Variants in SSC4D observed in about 807,000 individuals in gnomAD.
The protein encoded by SSC4D is scavenger receptor cysteine rich family member with 4 domains.
Under a neutral mutation model 63.4 loss-of-function variants are expected in SSC4D, and 57 were observed. The ratio of observed to expected loss-of-function variants is 0.90; its 90% confidence interval spans 0.73 to 1.12. The LOEUF (loss-of-function observed/expected upper bound fraction) is 1.12. Ranked by LOEUF, SSC4D falls within the 50% of genes most tolerant of loss-of-function variation. SSC4D has a pLI of 0.00. For synonymous variants in SSC4D, 352 were observed against 345.4 expected (o/e 1.02, Z -0.21); for missense variants, 791 against 806.4 (o/e 0.98, Z 0.23).
At chr7:76,393,348 C>T (rs1020470426) in intron 9 of SSC4D, 57 bp downstream of exon 9, 10 of 1,300,248 alleles carry the variant, frequency 7.7e-6, no homozygotes, top group Non-Finnish European at 8.8e-6. Context: ...CGCCCCGCCC[C>T]TCCCACGCCG....
At chr7:76,400,731 C>T in intron 3 of SSC4D, 140 bp from the exon 4 acceptor site, 1 of 1,086,614 alleles carries the variant, frequency 9.2e-7, no homozygotes, top group South Asian at 1.7e-5. Context: ...TGGTCTCAAA[C>T]TCCTGGGCTC....
At chr7:76,393,038 CT>C (rs1804526581) in intron 9 of SSC4D, among the ~76,000 whole-genome samples, 1 of 152,216 alleles carries the variant, frequency 6.6e-6, no homozygotes, top group Non-Finnish European at 1.5e-5. Flanking sequence ...CCACTCTCTG[CT>C]TAATAGAGTT....
chr7:76,393,805 C>T (rs374171764), intron 8 of SSC4D, 25 bp downstream of exon 8: 2 of 1,414,424 alleles, frequency 1.4e-6, no homozygotes, highest in South Asian at 2.5e-5. Context: ...CCCCATCCCC[C>T]GCAGACCCAG....
chr7:76,404,867 C>T (rs1207102534), intron 1 of SSC4D, among the ~76,000 whole-genome samples: 13 of 151,504 alleles, frequency 8.6e-5, no homozygotes, highest in African/African-American at 2.2e-4. Flanking sequence ...GTCAGGAGTT[C>T]GAGACTAGCC....
chr7:76,394,520 C>T (rs1804584756), intron 7 of SSC4D, among the ~76,000 whole-genome samples: 1 of 151,700 alleles, frequency 6.6e-6, no homozygotes, highest in Admixed American at 6.6e-5. Flanking sequence ...AAGCAATTCT[C>T]CTGCCTCAGC....
intron 1 of SSC4D, among the ~76,000 whole-genome samples, chr7:76,406,956 ATT>A (rs1805054913): frequency 6.6e-6 from 1 of 151,588 alleles, no homozygotes; most frequent in Non-Finnish European, 1.5e-5. Context: ...GATTTAAATT[ATT>A]TATTTATTTA....
intron 4 of SSC4D, among the ~76,000 whole-genome samples, chr7:76,399,542 CTT>C (rs1470473600): frequency 1.3e-5 from 2 of 150,600 alleles, no homozygotes; most frequent in Non-Finnish European, 3.0e-5. Flanking sequence ...TCGTTTTTTT[CTT>C]TGTTTTTCGA....
At chr7:76,394,052 G>T (rs1041644322) in intron 7 of SSC4D, 148 bp from the exon 8 acceptor site, 2 of 742,814 alleles carry the variant, frequency 2.7e-6, no homozygotes, top group Admixed American at 3.2e-5. Flanking sequence ...ACGTTGTCTG[G>T]CGCGGGTTGG....
chr7:76,397,980 G>A (rs1397281285), intron 5 of SSC4D, 148 bp from the exon 6 acceptor site: 3 of 822,440 alleles, frequency 3.6e-6, no homozygotes, highest in Non-Finnish European at 5.5e-6. Flanking sequence ...GGTCCAGACT[G>A]GGGGTAGCTT....
chr7:76,393,524 G>T lies in SSC4D; in HGVS notation c.1214C>A (p.Pro405His). ...GCAGCCCACGTTGTCCAGCAGCACG[G>T]GGCCGCGGCCGTAGCCGAAGTGGCC... ...GLGHFGYGRG[P>H]VLLDNVGCAG... The change falls in exon 9 of 11, where the codon CCC becomes CAC. Residue 405 changes from proline (P) to histidine (H), a missense_variant. Coordinates refer to ENST00000275560, the MANE Select transcript of SSC4D (RefSeq NM_080744.2). The T allele has an allele frequency of 6.6e-7, 1 of 1,525,406 alleles. No homozygotes were observed. Among genetic ancestry groups the T allele is most frequent in the Admixed American group, 2.0e-5 (1 of 50,108 alleles). The allele number at this position is 1,525,406 out of a possible 1,614,324, so 94.5% of individuals were successfully genotyped here.
rs541619556 is a variant in SSC4D, at chr7:76,390,735, T to G, written c.1412-360A>C. Among the ~76,000 whole-genome samples, 6 of 152,278 alleles carry G rather than the reference T, an allele frequency of 3.9e-5. No individual in the cohort carries two copies. In the South Asian group the frequency reaches 1.2e-3, roughly 32 times the overall value. The stretch of plus-strand genomic sequence containing the variant: ...GAGAGGCTGAGGCAGGAGTATGGCA[T>G]GAACCCAGGAGGTGGAGCTTGCAGT... On this transcript the variant is annotated intron_variant, in intron 10 of 10. Transcript: ENST00000275560.
At chr7:76,393,741 C>A (rs1280614659) in intron 8 of SSC4D, 25 bp from the exon 9 acceptor site, 2 of 1,419,310 alleles carry the variant, frequency 1.4e-6, no homozygotes, top group Non-Finnish European at 1.8e-6. Context: ...GGCCCGCGGC[C>A]AGAGGGGCTG....
At chr7:76,391,088 T>C (rs953278946) in intron 10 of SSC4D, among the ~76,000 whole-genome samples, 3 of 152,108 alleles carry the variant, frequency 2.0e-5, no homozygotes, top group African/African-American at 7.2e-5. Context: ...GTGGCCGTGA[T>C]TGTGCCACTG....
intron 7 of SSC4D, 66 bp downstream of exon 7, chr7:76,395,187 C>T: frequency 1.3e-6 from 2 of 1,579,322 alleles, no homozygotes; most frequent in Non-Finnish European, 1.7e-6. Context: ...CCAGAACATT[C>T]TTCCCAGTTC....
intron 6 of SSC4D, among the ~76,000 whole-genome samples, chr7:76,395,933 G>A (rs377087377): frequency 2.0e-5 from 3 of 152,128 alleles, no homozygotes; most frequent in Non-Finnish European, 2.9e-5. Flanking sequence ...GACCTCAGGC[G>A]ATCCGCCCAT....
At chr7:76,405,339 C>CTTTCTTTTTT (rs1271510975) in intron 1 of SSC4D, among the ~76,000 whole-genome samples, 3 of 21,394 alleles carry the variant, frequency 1.4e-4, no homozygotes, top group African/African-American at 2.1e-4. Context: ...TTCTTTCTTT[C>CTTTCTTTTTT]TTTTTTTTTT....
chr7:76,404,090 C>T (rs1804920206), intron 2 of SSC4D, among the ~76,000 whole-genome samples: 1 of 152,142 alleles, frequency 6.6e-6, no homozygotes, highest in Non-Finnish European at 1.5e-5. Flanking sequence ...CCTAACTGCC[C>T]ATTCCATGGG....
chr7:76,405,308 TA>T (rs1563686929), intron 1 of SSC4D, among the ~76,000 whole-genome samples: 22 of 64,392 alleles, frequency 3.4e-4, no homozygotes, highest in African/African-American at 1.5e-3. Context: ...TATATATATA[TA>T]TATATATGTA....
intron 2 of SSC4D, 29 bp from the exon 3 acceptor site, chr7:76,401,072 C>T: frequency 6.5e-7 from 1 of 1,527,272 alleles, no homozygotes; most frequent in Non-Finnish European, 8.8e-7. Context: ...GAGCATTGGC[C>T]CCTCTGCCCA....
Sources: gnomAD v4.1 joint callset for allele counts (sites outside exome capture counted in the v4.1 genomes callset) on GRCh38, gnomAD v4.1.1 for gene constraint, MANE v1.5 for transcripts, NCBI Gene and HGNC (gene_info 2026-07-23, HGNC 2026-07-21) for gene names.